The following XG variants were observed in gnomAD, a reference collection of about 807,000 sequenced individuals.
The protein encoded by XG is Xg glycoprotein (Xg blood group), also known as glycoprotein Xg.
XG carries 24 observed loss-of-function variants against 25.7 expected under a neutral mutation model. The observed-to-expected ratio is 0.93, with a 90% CI of 0.68 to 1.31. The LOEUF is 1.31. Among genes scored for constraint, XG ranks in the 40% most tolerant of loss-of-function variants. The probability of loss-of-function intolerance (pLI) is 0.00; values close to 1 mark genes in which losing one functional copy is unlikely to be tolerated. For missense variants in XG, 181 were observed against 187.6 expected (o/e 0.96, Z 0.21); for synonymous variants, 77 against 69.2 (o/e 1.11, Z -0.56).
At chrX:2,758,810 A>G (rs773615153) in intron 1 of XG, among the ~76,000 whole-genome samples, 1 of 152,292 alleles carries the variant, frequency 6.6e-6, no homozygotes, top group East Asian at 1.9e-4. Flanking sequence ...TTGCCTTAGC[A>G]TGAGAGATCC....
Position 2,816,022 on chromosome X carries a change from G to C in XG, c.*1642G>C, listed in dbSNP as rs192097978. 1.9e-4 allele frequency: 21 copies of C among 112,183 alleles called. No homozygotes were observed. The highest frequency in any genetic ancestry group is 3.9e-4 in the Non-Finnish European group (21 of 53,206). 9.2% of individuals were successfully genotyped at this position (112,183 alleles called of 1,213,427 possible). A position where few individuals can be genotyped will look rare whatever the true frequency, so the allele number is the denominator to read the frequency against. On this transcript the variant is annotated 3_prime_UTR_variant, in exon 11 of 11. Coordinates refer to ENST00000644266, the MANE Select transcript of XG (RefSeq NM_001141919.2). ...GGCCCCAAAATTATGAACCTTCGTA[G>C]CTGTGAATATGATGCCATAAATCTC... is the stretch of plus-strand genomic sequence containing the variant.
chrX:2,768,477 G>A (rs932251950), intron 1 of XG, among the ~76,000 whole-genome samples: 15 of 152,128 alleles, frequency 9.9e-5, no homozygotes, highest in African/African-American at 3.6e-4. Context: ...GATCAAGAGC[G>A]CTGGAGGAGG....
chrX:2,813,500 T>C (rs1472737278), intron 10 of XG, among the ~76,000 whole-genome samples: 3 of 112,157 alleles, frequency 2.7e-5, no homozygotes, highest in Non-Finnish European at 3.8e-5. Flanking sequence ...CTTAGTTAGG[T>C]CATTAATTTT....
At chrX:2,780,126 C>G (rs1279475016) in intron 3 of XG, among the ~76,000 whole-genome samples, 2 of 151,590 alleles carry the variant, frequency 1.3e-5, no homozygotes, top group Non-Finnish European at 2.9e-5. Context: ...TGCAGAAATT[C>G]TGGTTATAGA....
chrX:2,775,692 AC>A (rs2124469026), intron 3 of XG, among the ~76,000 whole-genome samples: 1 of 152,282 alleles, frequency 6.6e-6, no homozygotes, highest in Non-Finnish European at 1.5e-5. Context: ...GCGGTGGCTC[AC>A]ACCTGTAATC....
At chrX:2,804,771 C>T (rs993499015) in intron 7 of XG, among the ~76,000 whole-genome samples, 2 of 111,253 alleles carry the variant, frequency 1.8e-5, no homozygotes, top group Non-Finnish European at 3.8e-5. Context: ...TTTGGGGGAC[C>T]ATTATCTGGC....
chrX:2,774,865 T>G (rs766733554), intron 3 of XG, 126 bp downstream of exon 3: 3 of 1,263,690 alleles, frequency 2.4e-6, no homozygotes, highest in African/African-American at 1.5e-5. Flanking sequence ...CTGTACCAGA[T>G]AGCAGATATT....
At chrX:2,770,629 A>C (rs755815200) in intron 2 of XG, 38 bp downstream of exon 2, 1 of 1,612,876 alleles carries the variant, frequency 6.2e-7, no homozygotes, top group Non-Finnish European at 8.5e-7. Context: ...TTCCCTTTTC[A>C]GCTTGGATCT....
intron 8 of XG, 59 bp downstream of exon 8, chrX:2,806,804 A>G: frequency 2.1e-6 from 2 of 962,956 alleles, no homozygotes; most frequent in East Asian, 3.6e-5. Context: ...GCAAATAACT[A>G]ACACACTGTC....
intron 8 of XG, among the ~76,000 whole-genome samples, chrX:2,806,997 T>C (rs1405763935): frequency 8.9e-6 from 1 of 112,674 alleles, no homozygotes; most frequent in African/African-American, 3.2e-5. Flanking sequence ...TGTGTGCACG[T>C]GTGTGTGTAT....
chrX:2,754,056 T>G (rs1175704510), intron 1 of XG, among the ~76,000 whole-genome samples: 2 of 152,194 alleles, frequency 1.3e-5, no homozygotes, highest in African/African-American at 4.8e-5. Flanking sequence ...GTAGGGTAGT[T>G]GTATTAAATG....
Position 2,752,353 on chromosome X carries a change from T to C in XG, c.61+18T>C. On this transcript the variant is annotated intron_variant, in intron 1 of 10. Coordinates refer to ENST00000644266, the MANE Select transcript of XG (RefSeq NM_001141919.2). ...CGCCCGAGGTAAGAGGCATTTTGCTTTGAGGGAGATCTGCCTGGGCATGGA... is the reference window on the plus strand; with the variant it reads ...CGCCCGAGGTAAGAGGCATTTTGCTCTGAGGGAGATCTGCCTGGGCATGGA... 1.2e-6 allele frequency: 2 copies of C among 1,612,704 alleles called. No individual in the cohort carries two copies. Among genetic ancestry groups the C allele is most frequent in the South Asian group, 1.1e-5 (1 of 91,010 alleles).
At chrX:2,764,311 G>A (rs901501691) in intron 1 of XG, among the ~76,000 whole-genome samples, 2 of 152,144 alleles carry the variant, frequency 1.3e-5, no homozygotes, top group Non-Finnish European at 2.9e-5. Context: ...GTCTATGGAG[G>A]AGCCATTCTT....
Position 2,768,328 on chromosome X carries a change from C to T in XG, c.62-2222C>T, listed in dbSNP as rs1352382419. Among the ~76,000 whole-genome samples the T allele has an allele frequency of 4.6e-5, 7 of 152,222 alleles. No homozygotes were observed. In the South Asian group the frequency reaches 6.2e-4, roughly 14 times the overall value. ...TAAATTCTCAGGGTGTGTGCATAGC[C>T]GGGACGCTTAACTTTGGCGTCCTGG... On this transcript the variant is annotated intron_variant, in intron 1 of 10. Coordinates refer to ENST00000644266, the MANE Select transcript of XG (RefSeq NM_001141919.2).
At chrX:2,801,805 T>A (rs1227690739) in intron 7 of XG, among the ~76,000 whole-genome samples, 1 of 110,543 alleles carries the variant, frequency 9.0e-6, no homozygotes, top group Non-Finnish European at 1.9e-5. Context: ...GCCTCCCGGG[T>A]TCACGCCATT....
At chrX:2,755,682 A>C (rs1034788241) in intron 1 of XG, among the ~76,000 whole-genome samples, 17 of 152,142 alleles carry the variant, frequency 1.1e-4, no homozygotes, top group Non-Finnish European at 2.1e-4. Context: ...TACAGGAGGG[A>C]CTGGAAGGAA....
chrX:2,772,290 C>T (rs1185173112), intron 2 of XG, among the ~76,000 whole-genome samples: 1 of 152,074 alleles, frequency 6.6e-6, no homozygotes, highest in Non-Finnish European at 1.5e-5. Context: ...GCAATATTCA[C>T]AATAAGCCAA....
chrX:2,770,479 T>G, intron 1 of XG, 71 bp from the exon 2 acceptor site: 433 of 1,571,596 alleles, frequency 2.8e-4, no homozygotes, highest in Non-Finnish European at 3.5e-4. Flanking sequence ...GGGAGCAGCA[T>G]GAGGTGAGGA....
chrX:2,773,838 A>AGAAGGAAGGAAGGAGC (rs1569462186), intron 2 of XG, among the ~76,000 whole-genome samples: 1 of 138,018 alleles, frequency 7.2e-6, no homozygotes, highest in Non-Finnish European at 1.6e-5. Flanking sequence ...AAGGAAGGAG[A>AGAAGGAAGGAAGGAGC]GAAGGAAGGA....
Sources: gnomAD v4.1 joint callset for allele counts (sites outside exome capture counted in the v4.1 genomes callset) on GRCh38, gnomAD v4.1.1 for gene constraint, MANE v1.5 for transcripts, NCBI Gene and HGNC (gene_info 2026-07-23, HGNC 2026-07-21) for gene names.